Variants in ARL13B observed in about 807,000 individuals in gnomAD.
The protein encoded by ARL13B is ARF like GTPase 13B.
ARL13B carries 36 observed loss-of-function variants against 56.1 expected under a neutral mutation model. That is an observed-to-expected ratio of 0.64 (90% CI 0.49 to 0.85). The LOEUF (loss-of-function observed/expected upper bound fraction) is 0.85. ARL13B is among the 40% of genes least tolerant of loss of function. ARL13B has a pLI of 0.00. For synonymous variants in ARL13B, 178 were observed against 171.1 expected, an observed-to-expected ratio of 1.04 and a Z score of -0.32; for missense variants, 519 against 507.1, an observed-to-expected ratio of 1.02 and a Z score of -0.23.
chr3:93,996,002 AT>A (rs1178622790), intron 2 of ARL13B, 58 bp downstream of exon 2: 122 of 1,531,220 alleles, frequency 8.0e-5, no homozygotes, highest in Admixed American at 3.1e-4. Flanking sequence ...TGAATTATTT[AT>A]TTTGTTAAGT....
At chr3:94,014,731 T>C (rs1247701802) in intron 3 of ARL13B, 2 of 1,613,010 alleles carry the variant, frequency 1.2e-6, no homozygotes, top group South Asian at 2.2e-5. Context: ...ATTTACATCT[T>C]CTTCAGACAT....
intron 1 of ARL13B, among the ~76,000 whole-genome samples, chr3:93,986,477 A>G (rs1419171467): frequency 2.0e-5 from 3 of 152,194 alleles, no homozygotes; most frequent in Non-Finnish European, 4.4e-5. Flanking sequence ...TCACATATGT[A>G]TCATAAAACC....
intron 7 of ARL13B, among the ~76,000 whole-genome samples, chr3:94,045,733 C>T (rs1007451752): frequency 1.5e-4 from 23 of 151,630 alleles, no homozygotes; most frequent in African/African-American, 3.1e-4. Flanking sequence ...GAGGCTGAGG[C>T]GGGAGGATCA....
chr3:94,054,261 A>T lies in ARL13B; in HGVS notation c.*998A>T. The T allele has an allele frequency of 2.2e-6, 1 of 452,236 alleles. No individual in the cohort carries two copies. Among genetic ancestry groups the T allele is most frequent in the South Asian group, 1.6e-5 (1 of 63,988 alleles). 28.0% of individuals were successfully genotyped at this position (452,236 alleles called of 1,614,324 possible). A position where few individuals can be genotyped will look rare whatever the true frequency, so the allele number is the denominator to read the frequency against. ...CTGCAGGTCCAGAGACTTCTGTTTT[A>T]CAACTGGGAAACAGCTTGTGTACTA... On this transcript the variant is annotated 3_prime_UTR_variant, in exon 10 of 10. Transcript: ENST00000394222.
intron 2 of ARL13B, among the ~76,000 whole-genome samples, chr3:93,997,037 C>CT (rs2075979478): frequency 6.6e-6 from 1 of 151,952 alleles, no homozygotes; most frequent in Non-Finnish European, 1.5e-5. Context: ...TTATGAGAAT[C>CT]TAATGCCTAA....
At chr3:94,023,541 A>G (rs546765845) in intron 3 of ARL13B, among the ~76,000 whole-genome samples, 2 of 151,782 alleles carry the variant, frequency 1.3e-5, no homozygotes, top group South Asian at 4.2e-4. Context: ...TTTTCTTTGT[A>G]TTATTTTCAT....
intron 1 of ARL13B, among the ~76,000 whole-genome samples, chr3:93,982,884 G>A (rs1710286057): frequency 6.6e-6 from 1 of 152,044 alleles, no homozygotes; most frequent in Admixed American, 6.5e-5. Context: ...TTATTTTACT[G>A]GAATAAATGA....
chr3:94,004,554 T>TA (rs1324610517), intron 3 of ARL13B, among the ~76,000 whole-genome samples: 1 of 152,074 alleles, frequency 6.6e-6, no homozygotes, highest in Admixed American at 6.5e-5. Context: ...AATTGCTCTT[T>TA]AACTTGTAGT....
intron 1 of ARL13B, among the ~76,000 whole-genome samples, chr3:93,981,743 G>T (rs1262074967): frequency 1.3e-5 from 2 of 151,428 alleles, no homozygotes; most frequent in South Asian, 2.1e-4. Flanking sequence ...GCACGGTGAC[G>T]CACGCCTGTA....
chr3:94,024,225 A>G (rs560972157), intron 3 of ARL13B, among the ~76,000 whole-genome samples: 2 of 152,298 alleles, frequency 1.3e-5, no homozygotes, highest in East Asian at 1.9e-4. Flanking sequence ...CACCTTGACT[A>G]TGAATTCTTA....
chr3:93,998,338 C>G (rs1309661058), intron 2 of ARL13B, among the ~76,000 whole-genome samples: 1 of 152,120 alleles, frequency 6.6e-6, no homozygotes, highest in Non-Finnish European at 1.5e-5. Context: ...CTTTCTTTCT[C>G]TTATGTATTC....
chr3:94,052,566 T>G (rs1470722305), intron 9 of ARL13B, among the ~76,000 whole-genome samples: 4 of 152,008 alleles, frequency 2.6e-5, no homozygotes, highest in Non-Finnish European at 4.4e-5. Context: ...TGACAGGAGA[T>G]TAGGTTTATG....
At chr3:94,029,338 A>T (rs759424347) in intron 3 of ARL13B, among the ~76,000 whole-genome samples, 10,047 of 57,622 alleles carry the variant, frequency 0.17, 588 homozygotes, top group African/African-American at 0.22. Flanking sequence ...ATATATATTT[A>T]TTTTTTTTTT....
chr3:94,006,033 G>T (rs1250883502), intron 3 of ARL13B, among the ~76,000 whole-genome samples: 2 of 152,278 alleles, frequency 1.3e-5, no homozygotes, highest in Non-Finnish European at 2.9e-5. Context: ...GGGCACGGTG[G>T]CTCACGCCTG....
At chr3:94,050,769 G>A (rs1280077244) in intron 8 of ARL13B, 55 bp from the exon 9 acceptor site, 1 of 1,476,692 alleles carries the variant, frequency 6.8e-7, no homozygotes, top group Non-Finnish European at 9.4e-7. Context: ...CCTCTCAACA[G>A]ACCTAAAGAA....
chr3:94,036,787 T>C, intron 5 of ARL13B, 33 bp downstream of exon 5: 1 of 1,579,712 alleles, frequency 6.3e-7, no homozygotes, highest in Non-Finnish European at 8.6e-7. Context: ...ACAGTGCATT[T>C]GAAGGATCAA....
intron 3 of ARL13B, among the ~76,000 whole-genome samples, chr3:94,034,743 G>C (rs2076737480): frequency 6.6e-6 from 1 of 151,954 alleles, no homozygotes; most frequent in African/African-American, 2.4e-5. Flanking sequence ...TTATTTTTCT[G>C]TTTTGTAGCT....
chr3:94,034,538 G>GCCAA (rs2076734520), intron 3 of ARL13B, among the ~76,000 whole-genome samples: 1 of 146,546 alleles, frequency 6.8e-6, no homozygotes, highest in South Asian at 2.1e-4. Flanking sequence ...CCAGTGCTTT[G>GCCAA]CCAAGTATAT....
intron 6 of ARL13B, among the ~76,000 whole-genome samples, chr3:94,042,364 T>A (rs937318047): frequency 1.2e-4 from 18 of 152,010 alleles, no homozygotes; most frequent in Non-Finnish European, 2.6e-4. Context: ...TCTAAAAAAA[T>A]TAAAAAAAAG....
Sources: gnomAD v4.1 joint callset for allele counts (sites outside exome capture counted in the v4.1 genomes callset) on GRCh38, gnomAD v4.1.1 for gene constraint, MANE v1.5 for transcripts, NCBI Gene and HGNC (gene_info 2026-07-23, HGNC 2026-07-21) for gene names.